INTS9: variants seen among roughly 807,000 people sequenced by gnomAD.
INTS9 encodes protein related to CPSF subunits of 74 kDa.
A neutral mutation model predicts 79.7 loss-of-function variants in INTS9; 55 were observed. The ratio of observed to expected loss-of-function variants is 0.69; its 90% CI spans 0.56 to 0.86. The LOEUF (loss-of-function observed/expected upper bound fraction) is 0.86. Among genes scored for constraint, INTS9 ranks in the 40% least tolerant of loss-of-function variants. The pLI is 0.00. For missense variants in INTS9, 721 were observed against 831.5 expected (o/e 0.87, Z 1.64); for synonymous variants, 319 against 325.2 (o/e 0.98, Z 0.20).
intron 11 of INTS9, among the ~76,000 whole-genome samples, chr8:28,783,333 A>G (rs1171615858): frequency 6.6e-6 from 1 of 152,122 alleles, no homozygotes; most frequent in Middle Eastern, 3.2e-3. Context: ...CGTCTCAGAC[A>G]CTGTGCCTGC....
intron 14 of INTS9, among the ~76,000 whole-genome samples, chr8:28,772,207 C>CAGTT (rs757452880): frequency 6.6e-6 from 1 of 152,180 alleles, no homozygotes; most frequent in Non-Finnish European, 1.5e-5. Context: ...TGGATTGAGA[C>CAGTT]AGTTACCTCC....
rs1378702120 is a variant in INTS9, at chr8:28,859,479, T to C, written c.94A>G (p.Met32Val). The change falls in exon 2 of 17, where the codon ATG becomes GTG. Residue 32 changes from methionine to valine, a missense_variant. Coordinates refer to ENST00000521022, the MANE Select transcript of INTS9 (RefSeq NM_018250.4). ...GGAAGGAAATTGAGGGTAGAAGTCA[T>C]GTCCAGTCCGCAGTCCAACATAATG... ...TTIMLDCGLD[M>V]TSTLNFLPLP... The C allele has an allele frequency of 6.2e-7, 1 of 1,614,212 alleles. No homozygotes were observed. Among genetic ancestry groups the C allele is most frequent in the Non-Finnish European group, 8.5e-7 (1 of 1,180,014 alleles).
intron 2 of INTS9, among the ~76,000 whole-genome samples, chr8:28,850,635 C>T (rs1008189556): frequency 3.9e-5 from 6 of 152,226 alleles, no homozygotes; most frequent in Admixed American, 6.5e-5. Context: ...GCAGAATAGG[C>T]ATCATCTTAT....
chr8:28,773,331 G>A (rs1802669107), intron 14 of INTS9, among the ~76,000 whole-genome samples: 1 of 151,612 alleles, frequency 6.6e-6, no homozygotes, highest in Non-Finnish European at 1.5e-5. Flanking sequence ...GGGCATGGTG[G>A]CGGGTGCCTG....
At chr8:28,795,550 G>T (rs1241145946) in intron 9 of INTS9, among the ~76,000 whole-genome samples, 1 of 148,246 alleles carries the variant, frequency 6.7e-6, no homozygotes, top group African/African-American at 2.5e-5. Context: ...TGAAGCAGGA[G>T]AATCGCTTGA....
At chr8:28,885,573 T>G (rs1036445495) in intron 1 of INTS9, among the ~76,000 whole-genome samples, 2 of 152,220 alleles carry the variant, frequency 1.3e-5, no homozygotes, top group Non-Finnish European at 2.9e-5. Context: ...CCATCTCAGG[T>G]ACTATCTGTA....
intron 15 of INTS9, 57 bp from the exon 16 acceptor site, chr8:28,770,083 C>T: frequency 7.6e-6 from 12 of 1,587,172 alleles, no homozygotes; most frequent in African/African-American, 1.3e-5. Context: ...CAGGGGCCAC[C>T]GCAGGCCACA....
chr8:28,786,006 T>C (rs558971785), intron 11 of INTS9, among the ~76,000 whole-genome samples: 2 of 152,356 alleles, frequency 1.3e-5, no homozygotes, highest in South Asian at 2.1e-4. Flanking sequence ...CTGTCACTAC[T>C]GTCCCCTCCC....
chr8:28,837,893 T>G, intron 4 of INTS9, 117 bp from the exon 5 acceptor site: 1 of 971,022 alleles, frequency 1.0e-6, no homozygotes, highest in African/African-American at 1.6e-5. Flanking sequence ...AGAATAATGA[T>G]GGCTTTCCTG....
chr8:28,792,908 G>A (rs1417441785), intron 10 of INTS9, among the ~76,000 whole-genome samples: 3 of 99,964 alleles, frequency 3.0e-5, no homozygotes, highest in Non-Finnish European at 4.7e-5. Context: ...GCAAGACTCC[G>A]TCTCAAAAAA....
At chr8:28,821,647 T>G (rs1027954324) in intron 6 of INTS9, among the ~76,000 whole-genome samples, 1 of 152,206 alleles carries the variant, frequency 6.6e-6, no homozygotes, top group Non-Finnish European at 1.5e-5. Context: ...ACTGGAGCTT[T>G]TGAGTTGCTG....
At chr8:28,816,818 G>T (rs982480330) in intron 6 of INTS9, among the ~76,000 whole-genome samples, 8 of 151,578 alleles carry the variant, frequency 5.3e-5, no homozygotes, top group African/African-American at 1.9e-4. Context: ...AGCACCTGTT[G>T]TTTCCTGACT....
intron 10 of INTS9, 67 bp from the exon 11 acceptor site, chr8:28,787,956 T>C: frequency 9.6e-7 from 1 of 1,039,896 alleles, no homozygotes; most frequent in Admixed American, 1.9e-5. Flanking sequence ...TGCCACCTAG[T>C]GGCAGCAGTG....
At chr8:28,770,882 C>G in intron 15 of INTS9, 100 bp downstream of exon 15, 1 of 855,938 alleles carries the variant, frequency 1.2e-6, no homozygotes, top group Non-Finnish European at 1.9e-6. Flanking sequence ...AATTCTTCAA[C>G]AAGAATTCAC....
intron 6 of INTS9, among the ~76,000 whole-genome samples, chr8:28,818,333 C>A (rs1251674798): frequency 2.0e-5 from 3 of 151,146 alleles, no homozygotes; most frequent in Admixed American, 2.0e-4. Context: ...CCCATCAATG[C>A]CTAATTTATT....
At chr8:28,829,405 A>G (rs1447284891) in intron 6 of INTS9, among the ~76,000 whole-genome samples, 1 of 152,196 alleles carries the variant, frequency 6.6e-6, no homozygotes, top group African/African-American at 2.4e-5. Context: ...TATAAATCTC[A>G]AGGAGCACTG....
chr8:28,884,461 G>C (rs762551117), intron 1 of INTS9, among the ~76,000 whole-genome samples: 1 of 152,186 alleles, frequency 6.6e-6, no homozygotes, highest in South Asian at 2.1e-4. Context: ...TAGGATTACA[G>C]GTGTGAGCCA....
At chr8:28,814,070 T>TA (rs771902608) in intron 6 of INTS9, among the ~76,000 whole-genome samples, 3,213 of 141,878 alleles carry the variant, frequency 0.023, 84 homozygotes, top group African/African-American at 0.067. Context: ...TTTCTTTTTT[T>TA]AAAAAAAAAA....
In INTS9 at chr8:28,801,340, A is replaced by G. The variant is rs144925655; in HGVS notation, c.745-4685T>C. 9.7e-3 allele frequency among the ~76,000 whole-genome samples: 1,468 copies of G among 152,070 alleles called. 20 individuals are homozygous for G. Among genetic ancestry groups the G allele is most frequent in the African/African-American group, 0.034 (1,407 of 41,494 alleles). On this transcript the variant is annotated intron_variant, in intron 8 of 16. Transcript: ENST00000521022. ...CCATCTCTACAAAAAATACAAAAAA[A>G]TTAGCCTGGCATGGTGGTGTGCGCC...
Sources: gnomAD v4.1 joint callset for allele counts (sites outside exome capture counted in the v4.1 genomes callset) on GRCh38, gnomAD v4.1.1 for gene constraint, MANE v1.5 for transcripts, NCBI Gene and HGNC (gene_info 2026-07-23, HGNC 2026-07-21) for gene names.